Variants in INPP4B observed in about 807,000 individuals in gnomAD.
The protein encoded by INPP4B is inositol polyphosphate-4-phosphatase type II B.
In INPP4B, 55 loss-of-function variants were observed where a neutral mutation model predicts 122.5. That is an observed-to-expected ratio of 0.45 (90% CI 0.36 to 0.56). The LOEUF is 0.56. Among genes scored for constraint, INPP4B ranks in the 20% least tolerant of loss-of-function variants. INPP4B has a pLI of 0.00. For synonymous variants in INPP4B, 403 were observed against 388.7 expected, an observed-to-expected ratio of 1.04 and a Z score of -0.43; for missense variants, 1,000 against 1,097.7, an observed-to-expected ratio of 0.91 and a Z score of 1.26.
intron 2 of INPP4B, among the ~76,000 whole-genome samples, chr4:142,527,531 T>C (rs1473552745): frequency 6.6e-6 from 1 of 152,090 alleles, no homozygotes; most frequent in Non-Finnish European, 1.5e-5. Context: ...TCAACAGTCA[T>C]GAATTGATAA....
chr4:142,317,525 C>T, intron 7 of INPP4B: 1 of 238,008 alleles, frequency 4.2e-6, no homozygotes. Flanking sequence ...TCCTGGTTGT[C>T]CCTCCACTGA....
intron 18 of INPP4B, among the ~76,000 whole-genome samples, chr4:142,125,277 C>T (rs1216275506): frequency 2.0e-5 from 3 of 151,958 alleles, no homozygotes; most frequent in African/African-American, 7.2e-5. Context: ...CTACTGAATT[C>T]CCTTCTCAAC....
chr4:142,055,018 T>A (rs1560957029), intron 25 of INPP4B, among the ~76,000 whole-genome samples: 1 of 152,108 alleles, frequency 6.6e-6, no homozygotes, highest in Non-Finnish European at 1.5e-5. Flanking sequence ...TGTATATGTT[T>A]GTGTGTGCAT....
At chr4:142,494,671 A>C (rs1822300578) in intron 2 of INPP4B, among the ~76,000 whole-genome samples, 1 of 152,128 alleles carries the variant, frequency 6.6e-6, no homozygotes, top group Non-Finnish European at 1.5e-5. Flanking sequence ...GGCTGTTATT[A>C]TCTTTGGACA....
At chr4:142,604,395 A>G (rs1056084696) in intron 2 of INPP4B, among the ~76,000 whole-genome samples, 3 of 152,136 alleles carry the variant, frequency 2.0e-5, no homozygotes, top group Non-Finnish European at 1.5e-5. Flanking sequence ...GGCAAGGAAA[A>G]GAAATAAAAA....
At chr4:142,738,187 T>C (rs1767283259) in intron 1 of INPP4B, among the ~76,000 whole-genome samples, 1 of 152,190 alleles carries the variant, frequency 6.6e-6, no homozygotes, top group African/African-American at 2.4e-5. Context: ...CTATTCACAG[T>C]AGCAAAGACT....
intron 11 of INPP4B, among the ~76,000 whole-genome samples, chr4:142,240,847 G>T (rs1859012159): frequency 6.6e-6 from 1 of 152,012 alleles, no homozygotes; most frequent in Admixed American, 6.6e-5. Context: ...TGTTGCACTG[G>T]TTACAAAAAG....
In INPP4B at chr4:142,028,554, C is replaced by T. The variant is rs1737766432; in HGVS notation, c.*228G>A. On this transcript the variant is annotated 3_prime_UTR_variant, in exon 26 of 26. Transcript: ENST00000262992. ...ATCAGCTAGGCTCAACACATAGAAG[C>T]TTAGAACTAGAAATGACAGTACTGA... 5 of 500,546 alleles carry T rather than the reference C, an allele frequency of 1.0e-5. 1 individual carries two copies. The South Asian group carries it at 1.5e-4, about 15-fold the overall frequency. 31.0% of individuals were successfully genotyped at this position (500,546 alleles called of 1,614,324 possible).
rs17016352 is a variant in INPP4B at position 142,548,970 on chromosome 4, C to T, written c.-190-86244G>A. 1.3e-3 allele frequency among the ~76,000 whole-genome samples: 193 copies of T among 151,642 alleles called. 1 individual carries two copies. Among genetic ancestry groups the T allele is most frequent in the African/African-American group, 4.4e-3 (180 of 41,096 alleles). On this transcript the variant is annotated intron_variant, in intron 2 of 25. Coordinates refer to ENST00000262992, the MANE Select transcript of INPP4B (RefSeq NM_001101669.3). The stretch of plus-strand genomic sequence containing the variant: ...TCTGTGAGGCCCTCAAAAATGGGTA[C>T]GCTCTATTGCCTCTAGAATTACACA...
intron 7 of INPP4B, among the ~76,000 whole-genome samples, chr4:142,315,160 T>A (rs1247673433): frequency 6.6e-6 from 1 of 152,212 alleles, no homozygotes. Flanking sequence ...ATTATGGATA[T>A]GCTAATTACC....
intron 7 of INPP4B, among the ~76,000 whole-genome samples, chr4:142,379,180 A>T (rs972399392): frequency 2.0e-5 from 3 of 152,120 alleles, no homozygotes; most frequent in African/African-American, 7.2e-5. Flanking sequence ...CTTCCTATAC[A>T]ACTCTATCTA....
intron 8 of INPP4B, among the ~76,000 whole-genome samples, chr4:142,312,861 A>G (rs916126513): frequency 3.9e-5 from 6 of 152,196 alleles, no homozygotes; most frequent in African/African-American, 1.2e-4. Flanking sequence ...TATCTGCCAC[A>G]TAGAGGACTC....
intron 17 of INPP4B, among the ~76,000 whole-genome samples, chr4:142,159,680 T>A (rs1042856720): frequency 6.6e-6 from 1 of 152,102 alleles, no homozygotes; most frequent in Non-Finnish European, 1.5e-5. Flanking sequence ...GAATAATTTA[T>A]ATGTATCGAT....
intron 17 of INPP4B, among the ~76,000 whole-genome samples, chr4:142,158,938 T>C (rs766745225): frequency 4.1e-4 from 63 of 152,032 alleles, no homozygotes; most frequent in Non-Finnish European, 7.2e-4. Context: ...AAAATATATC[T>C]TCTTTTCTGT....
intron 2 of INPP4B, among the ~76,000 whole-genome samples, chr4:142,513,509 G>T (rs1825016206): frequency 6.6e-6 from 1 of 152,116 alleles, no homozygotes; most frequent in Non-Finnish European, 1.5e-5. Context: ...CTGGGTTCAA[G>T]TGATTCTCCT....
chr4:142,801,447 C>T (rs1777998117), intron 1 of INPP4B, among the ~76,000 whole-genome samples: 1 of 152,112 alleles, frequency 6.6e-6, no homozygotes, highest in African/African-American at 2.4e-5. Flanking sequence ...GCAGAGACAC[C>T]AGGGTTGCAC....
intron 9 of INPP4B, among the ~76,000 whole-genome samples, chr4:142,282,649 C>T (rs551711619): frequency 6.6e-6 from 1 of 152,252 alleles, no homozygotes; most frequent in African/African-American, 2.4e-5. Flanking sequence ...GGATAACACT[C>T]AGTCTCAAGG....
At chr4:142,810,571 CA>C (rs1779385932) in intron 1 of INPP4B, among the ~76,000 whole-genome samples, 1 of 152,156 alleles carries the variant, frequency 6.6e-6, no homozygotes, top group South Asian at 2.1e-4. Context: ...CTAATATACA[CA>C]ATCATATTTT....
chr4:142,739,184 T>G (rs189308821), intron 1 of INPP4B, among the ~76,000 whole-genome samples: 298 of 152,242 alleles, frequency 2.0e-3, no homozygotes, highest in Non-Finnish European at 3.8e-3. Context: ...AGTTTTTAAA[T>G]TAAGGCAAAA....
Sources: allele counts gnomAD v4.1 joint callset (sites outside exome capture counted in the v4.1 genomes callset), GRCh38; gene constraint gnomAD v4.1.1; transcripts MANE v1.5; gene names NCBI Gene and HGNC (gene_info 2026-07-23, HGNC 2026-07-21).